GPC6: variants seen among roughly 807,000 people sequenced by gnomAD.
GPC6 encodes the protein glypican 6, also known as glypican-6.
A neutral mutation model predicts 55.2 loss-of-function variants in GPC6; 14 were observed. That is an observed-to-expected ratio of 0.25 (90% CI 0.17 to 0.40). The LOEUF (loss-of-function observed/expected upper bound fraction) is 0.40. Ranked by LOEUF, GPC6 falls within the 10% of genes least tolerant of loss-of-function variation. GPC6 has a pLI of 1.00. For synonymous variants in GPC6, 278 were observed against 259.6 expected, an observed-to-expected ratio of 1.07 and a Z score of -0.68; for missense variants, 641 against 708.5, an observed-to-expected ratio of 0.90 and a Z score of 1.08.
intron 1 of GPC6, among the ~76,000 whole-genome samples, chr13:93,508,122 G>A (rs1003246292): frequency 2.6e-5 from 4 of 152,148 alleles, no homozygotes; most frequent in African/African-American, 9.7e-5. Flanking sequence ...ATATTATAAG[G>A]AAAACTAAGC....
chr13:94,162,558 G>C (rs1278025345), intron 4 of GPC6, among the ~76,000 whole-genome samples: 1 of 152,162 alleles, frequency 6.6e-6, no homozygotes, highest in Non-Finnish European at 1.5e-5. Flanking sequence ...TGAAGAATCA[G>C]TGTCACCCAA....
At chr13:93,471,391 G>C (rs1048038353) in intron 1 of GPC6, among the ~76,000 whole-genome samples, 2 of 151,194 alleles carry the variant, frequency 1.3e-5, no homozygotes, top group African/African-American at 4.9e-5. Flanking sequence ...TTAGCCAGGC[G>C]TGGTGGCGGG....
chr13:93,265,788 T>A (rs1056701518), intron 1 of GPC6, among the ~76,000 whole-genome samples: 5 of 142,344 alleles, frequency 3.5e-5, no homozygotes, highest in Non-Finnish European at 7.7e-5. Flanking sequence ...TTCTTTTATT[T>A]CTTTTTTTTC....
chr13:94,288,855 T>TTTGTTATATATATAAC (rs1566637900), intron 5 of GPC6, among the ~76,000 whole-genome samples: 21 of 16,864 alleles, frequency 1.2e-3, no homozygotes, highest in African/African-American at 3.9e-3. Flanking sequence ...ATATATATAA[T>TTTGTTATATATATAAC]AAATATATAT....
intron 1 of GPC6, among the ~76,000 whole-genome samples, chr13:93,429,655 G>T (rs1252736648): frequency 6.6e-6 from 1 of 152,092 alleles, no homozygotes; most frequent in Non-Finnish European, 1.5e-5. Context: ...CTCAATTGCT[G>T]TATTGGCATC....
chr13:93,452,438 A>T (rs1878265065), intron 1 of GPC6, among the ~76,000 whole-genome samples: 1 of 152,300 alleles, frequency 6.6e-6, no homozygotes, highest in Non-Finnish European at 1.5e-5. Context: ...CACTTGAGTC[A>T]ATTGTCATCT....
intron 3 of GPC6, among the ~76,000 whole-genome samples, chr13:93,890,553 G>C (rs9301916): frequency 0.31 from 46,685 of 151,776 alleles, 7,317 homozygotes; most frequent in Non-Finnish European, 0.32. Context: ...ATAGTTTTTA[G>C]ATGAAAATTT....
At chr13:93,919,588 G>A (rs74109123) in intron 3 of GPC6, among the ~76,000 whole-genome samples, 5,275 of 152,232 alleles carry the variant, frequency 0.035, 98 homozygotes, top group Middle Eastern at 0.058. Context: ...CTTAGGAAAC[G>A]GGCCTCTGAA....
intron 3 of GPC6, among the ~76,000 whole-genome samples, chr13:93,924,696 C>CTT (rs10710851): frequency 1.6e-4 from 20 of 128,568 alleles, no homozygotes; most frequent in African/African-American, 5.7e-4. Context: ...TCTTTCTTTT[C>CTT]TTTTTTTTTT....
At chr13:94,077,335 G>A (rs547350280) in intron 4 of GPC6, among the ~76,000 whole-genome samples, 31 of 151,640 alleles carry the variant, frequency 2.0e-4, no homozygotes, top group Non-Finnish European at 2.4e-4. Context: ...TTTGTATTCT[G>A]CAACTTTACT....
intron 3 of GPC6, among the ~76,000 whole-genome samples, chr13:93,872,604 G>C (rs576435937): frequency 2.1e-4 from 32 of 151,974 alleles, no homozygotes; most frequent in African/African-American, 7.5e-4. Flanking sequence ...CCCTTGGCTC[G>C]TGCCTTTTTC....
intron 4 of GPC6, among the ~76,000 whole-genome samples, chr13:94,183,759 C>T (rs1889076492): frequency 1.3e-5 from 2 of 152,156 alleles, no homozygotes; most frequent in South Asian, 4.1e-4. Flanking sequence ...GCATTATAGC[C>T]ATTCTAGCAG....
At chr13:93,564,740 G>A (rs1875999622) in intron 2 of GPC6, among the ~76,000 whole-genome samples, 1 of 152,016 alleles carries the variant, frequency 6.6e-6, no homozygotes, top group East Asian at 1.9e-4. Flanking sequence ...TTCTTGTTAA[G>A]TATATTTTGT....
chr13:93,466,695 G>C (rs546182995), intron 1 of GPC6, among the ~76,000 whole-genome samples: 56 of 152,270 alleles, frequency 3.7e-4, no homozygotes, highest in Non-Finnish European at 6.8e-4. Context: ...CAAAGAATAC[G>C]CATTCTAGTA....
intron 2 of GPC6, among the ~76,000 whole-genome samples, chr13:93,688,803 G>A (rs1882148866): frequency 6.6e-6 from 1 of 152,014 alleles, no homozygotes; most frequent in African/African-American, 2.4e-5. Context: ...TAGATACACA[G>A]TTTCAGTTTG....
intron 6 of GPC6, among the ~76,000 whole-genome samples, chr13:94,369,489 C>G (rs927993828): frequency 6.6e-6 from 1 of 152,212 alleles, no homozygotes; most frequent in African/African-American, 2.4e-5. Context: ...ACAAACACAA[C>G]TCAGAATTCA....
Position 94,306,058 on chromosome 13 carries a change from C to T in GPC6, c.1087C>T (p.Arg363Cys), listed in dbSNP as rs750872192. 2.5e-6 allele frequency: 4 copies of T among 1,614,074 alleles called. No individual in the cohort carries two copies. The highest frequency in any genetic ancestry group is 3.4e-6 in the Non-Finnish European group (4 of 1,179,934). ...ARSAPENFNT[R>C]FRPYNPEERP... ...CTCAGCTCCTGAAAATTTTAATACA[C>T]GTTTCAGGCCCTACAATCCTGAGGA... Residue 363 changes from arginine (R) to cysteine (C), a missense_variant, in exon 6 of 9, where the codon CGT (arginine) becomes TGT (cysteine). Coordinates refer to ENST00000377047, the MANE Select transcript of GPC6 (RefSeq NM_005708.5).
At position 93,393,127 on chromosome 13, in the gene GPC6, TAGAGAGAGAG is replaced by T. The variant is rs144440794; in HGVS notation, c.161-152113_161-152104del. On this transcript the variant is annotated intron_variant, in intron 1 of 8. Coordinates refer to ENST00000377047, the MANE Select transcript of GPC6 (RefSeq NM_005708.5). ...TATTTGATATATATATATATATATATAGAGAGAGAGAGAGAGAGAGAGAGAGAGAGAGTGA... is the reference window on the plus strand; with the variant it reads ...TATTTGATATATATATATATATATATAGAGAGAGAGAGAGAGAGAGAGTGA... 3.7e-4 allele frequency among the ~76,000 whole-genome samples: 32 copies of T among 87,624 alleles called. 1 individual carries two copies. The highest frequency in any genetic ancestry group is 1.2e-3 in the South Asian group (3 of 2,532). The allele number at this position is 87,624 out of a possible 152,430, so 57.5% of individuals were successfully genotyped here. A position where few individuals can be genotyped will look rare whatever the true frequency, so the allele number is the denominator to read the frequency against.
At chr13:94,188,197 T>A (rs1889266222) in intron 4 of GPC6, among the ~76,000 whole-genome samples, 1 of 152,170 alleles carries the variant, frequency 6.6e-6, no homozygotes, top group South Asian at 2.1e-4. Context: ...TGCACTAAGG[T>A]GCAGCAGTGC....
Sources: allele counts gnomAD v4.1 joint callset (sites outside exome capture counted in the v4.1 genomes callset), GRCh38; gene constraint gnomAD v4.1.1; transcripts MANE v1.5; gene names NCBI Gene and HGNC (gene_info 2026-07-23, HGNC 2026-07-21).